GNA13: variants seen among roughly 807,000 people sequenced by gnomAD.
The protein encoded by GNA13 is guanine nucleotide-binding protein subunit alpha-13.
Under a neutral mutation model 33.5 loss-of-function variants are expected in GNA13, and 4 were observed. That is an observed-to-expected ratio of 0.12 (90% CI 0.06 to 0.27). The LOEUF (loss-of-function observed/expected upper bound fraction) is 0.27. GNA13 is among the 10% of genes least tolerant of loss of function. The pLI, the probability that GNA13 is intolerant of heterozygous loss-of-function variation, is 1.00. For missense variants in GNA13, 319 were observed against 487.2 expected (o/e 0.65, Z 3.25); for synonymous variants, 176 against 183.8 (o/e 0.96, Z 0.34).
At chr17:65,031,919 A>AGTGTGTGTGT (rs1907050606) in intron 2 of GNA13, among the ~76,000 whole-genome samples, 7 of 125,476 alleles carry the variant, frequency 5.6e-5, no homozygotes, top group Non-Finnish European at 1.2e-4. Flanking sequence ...AGAGAGAGAG[A>AGTGTGTGTGT]GAGTGTGTGT....
chr17:65,017,204 C>T (rs4791245), intron 3 of GNA13, among the ~76,000 whole-genome samples: 129,576 of 152,194 alleles, frequency 0.85, 59,119 homozygotes, highest in East Asian at 1. Context: ...AGAAACACGC[C>T]GGGCCCTGAG....
chr17:65,046,832 T>C (rs1269811060), intron 2 of GNA13, among the ~76,000 whole-genome samples: 6 of 152,244 alleles, frequency 3.9e-5, no homozygotes, highest in Non-Finnish European at 8.8e-5. Flanking sequence ...TCATAAATTA[T>C]TGTGCCCCTA....
rs1907037593 is a variant in GNA13 at position 65,031,891 on chromosome 17, A to AGAAAGG, written c.511-13589_511-13588insCCTTTC. Among the ~76,000 whole-genome samples, 9 of 42,306 alleles carry AGAAAGG rather than the reference A, an allele frequency of 2.1e-4. No homozygotes were observed. The Admixed American group carries it at 3.2e-3, about 15-fold the overall frequency. 27.8% of individuals were successfully genotyped at this position (42,306 alleles called of 152,430 possible). A position where few individuals can be genotyped will look rare whatever the true frequency, so the allele number is the denominator to read the frequency against. On this transcript the variant is annotated intron_variant, in intron 2 of 3. Coordinates refer to ENST00000439174, the MANE Select transcript of GNA13 (RefSeq NM_006572.6). The stretch of plus-strand genomic sequence containing the variant: ...TAGAGAGAGAGAGAGAGAGAGAGAG[A>AGAAAGG]GAGAAAGAGAGAGAGAGAGAGAGAG...
chr17:65,026,881 C>T (rs370404862), intron 2 of GNA13, among the ~76,000 whole-genome samples: 3 of 152,180 alleles, frequency 2.0e-5, no homozygotes, highest in Non-Finnish European at 2.9e-5. Flanking sequence ...CAGGTTCAAG[C>T]GATTCTTCTG....
chr17:65,029,209 T>A (rs1906911836), intron 2 of GNA13, among the ~76,000 whole-genome samples: 1 of 152,250 alleles, frequency 6.6e-6, no homozygotes, highest in Non-Finnish European at 1.5e-5. Flanking sequence ...AGTCTCCAGC[T>A]AGTCCCAACT....
chr17:65,037,267 A>G (rs1161905943), intron 2 of GNA13, among the ~76,000 whole-genome samples: 1 of 152,240 alleles, frequency 6.6e-6, no homozygotes, highest in Non-Finnish European at 1.5e-5. Flanking sequence ...CAGAAAAACC[A>G]CAACTTACTA....
intron 2 of GNA13, 149 bp from the exon 3 acceptor site, chr17:65,018,452 A>G: frequency 1.6e-6 from 1 of 618,260 alleles, no homozygotes; most frequent in Non-Finnish European, 2.9e-6. Context: ...TCCTAAAAAC[A>G]TATAAAACGT....
intron 2 of GNA13, among the ~76,000 whole-genome samples, chr17:65,024,304 T>G (rs190754388): frequency 2.6e-5 from 4 of 152,312 alleles, no homozygotes; most frequent in Non-Finnish European, 5.9e-5. Context: ...AAATATATTT[T>G]CAAGGATGAA....
chr17:65,055,059 G>A (rs1434750087), intron 1 of GNA13, among the ~76,000 whole-genome samples: 1 of 151,280 alleles, frequency 6.6e-6, no homozygotes, highest in Non-Finnish European at 1.5e-5. Flanking sequence ...GGAGGCGGTT[G>A]GCGGGGAGGG....
intron 2 of GNA13, among the ~76,000 whole-genome samples, chr17:65,028,119 G>C (rs543307090): frequency 6.6e-6 from 1 of 152,164 alleles, no homozygotes; most frequent in African/African-American, 2.4e-5. Flanking sequence ...CCAGCTACTC[G>C]GGAGGCTGAA....
chr17:65,043,594 G>A (rs1001585184), intron 2 of GNA13, among the ~76,000 whole-genome samples: 1 of 151,892 alleles, frequency 6.6e-6, no homozygotes, highest in African/African-American at 2.4e-5. Flanking sequence ...GACTGAATGT[G>A]GTTTATTTTA....
intron 2 of GNA13, among the ~76,000 whole-genome samples, chr17:65,042,134 G>A (rs1312020200): frequency 1.3e-5 from 2 of 152,056 alleles, no homozygotes; most frequent in African/African-American, 4.8e-5. Context: ...CAAGGCAGGT[G>A]GGTCACCTGA....
intron 1 of GNA13, chr17:65,055,834 G>T: frequency 1.2e-6 from 1 of 838,980 alleles, no homozygotes; most frequent in Non-Finnish European, 1.4e-6. Context: ...AGTTGGGAGC[G>T]CATGCGACCC....
At position 65,014,546 on chromosome 17, in the gene GNA13, C is replaced by A; in HGVS notation, c.845G>T (p.Ser282Ile). Residue 282 changes from serine (S) to isoleucine (I), a missense_variant, in exon 4 of 4, where the codon AGC (serine) becomes ATC (isoleucine). Coordinates refer to ENST00000439174, the MANE Select transcript of GNA13 (RefSeq NM_006572.6). This position sits in a 1 kb window ranked among gnomAD's most constrained non-coding sequence, Gnocchi z 5.3. ...TAAGAACAGAATTATGGAGACATTG[C>A]TGAAAACCCGGTTATTGACGATTGT... Reference protein sequence around the residue: ...FETIVNNRVFSNVSIILFLNK... With the variant: ...FETIVNNRVFINVSIILFLNK... 2 of 1,614,130 alleles carry A rather than the reference C, an allele frequency of 1.2e-6. No individual in the cohort carries two copies. The highest frequency in any genetic ancestry group is 1.1e-5 in the South Asian group (1 of 91,084).
chr17:65,034,371 C>T (rs1598490055), intron 2 of GNA13, among the ~76,000 whole-genome samples: 1 of 151,824 alleles, frequency 6.6e-6, no homozygotes, highest in East Asian at 1.9e-4. Flanking sequence ...TAATTTAAGG[C>T]TAATAATTTT....
intron 2 of GNA13, among the ~76,000 whole-genome samples, chr17:65,039,414 T>C (rs910245064): frequency 2.0e-5 from 3 of 152,152 alleles, no homozygotes; most frequent in African/African-American, 4.8e-5. Context: ...CCCAAGGCAG[T>C]CAGAGAAACC....
At chr17:65,025,733 A>G (rs1906754168) in intron 2 of GNA13, among the ~76,000 whole-genome samples, 1 of 151,400 alleles carries the variant, frequency 6.6e-6, no homozygotes, top group Non-Finnish European at 1.5e-5. Flanking sequence ...TAATCCCAGC[A>G]CTTTGGGAGG....
intron 2 of GNA13, among the ~76,000 whole-genome samples, chr17:65,019,034 C>T (rs566342808): frequency 3.3e-5 from 5 of 152,156 alleles, no homozygotes; most frequent in South Asian, 2.1e-4. Context: ...TCACCCCCTG[C>T]GTTTCACTTT....
At chr17:65,050,844 T>C (rs1482009042) in intron 2 of GNA13, among the ~76,000 whole-genome samples, 3 of 152,252 alleles carry the variant, frequency 2.0e-5, no homozygotes, top group Admixed American at 1.3e-4. Context: ...TTCTTGTCTC[T>C]ACTTTTCATC....
Sources: gnomAD v4.1 joint callset for allele counts (sites outside exome capture counted in the v4.1 genomes callset) on GRCh38, gnomAD v4.1.1 for gene constraint, Gnocchi (gnomAD v3.1) non-coding constraint, MANE v1.5 for transcripts, NCBI Gene and HGNC (gene_info 2026-07-23, HGNC 2026-07-21) for gene names.